The following CDH4 variants were observed in gnomAD, a reference collection of about 807,000 sequenced individuals.
CDH4 encodes the protein cadherin 4.
In CDH4, 33 loss-of-function variants were observed where a neutral mutation model predicts 86.0. That is an observed-to-expected ratio of 0.38 (90% CI 0.29 to 0.51). CDH4 has a LOEUF of 0.51. Ranked by LOEUF, CDH4 falls within the 20% of genes least tolerant of loss-of-function variation. The probability of loss-of-function intolerance (pLI) is 0.86; values close to 1 mark genes in which losing one functional copy is unlikely to be tolerated. For missense variants in CDH4, 1,114 were observed against 1,307.4 expected, an observed-to-expected ratio of 0.85 and a Z score of 2.28; for synonymous variants, 555 against 549.4, an observed-to-expected ratio of 1.01 and a Z score of -0.14.
intron 2 of CDH4, among the ~76,000 whole-genome samples, chr20:61,617,261 G>A (rs2086732682): frequency 6.6e-6 from 1 of 152,154 alleles, no homozygotes; most frequent in Admixed American, 6.5e-5. Flanking sequence ...CTAAGCCCCA[G>A]GAGGGCAGGG....
intron 2 of CDH4, among the ~76,000 whole-genome samples, chr20:61,472,123 G>T (rs1471914967): frequency 2.0e-5 from 3 of 152,158 alleles, no homozygotes; most frequent in Non-Finnish European, 4.4e-5. Flanking sequence ...AGCTATTATT[G>T]TATTGAGGTC....
chr20:61,687,792 T>A (rs2087602474), intron 2 of CDH4, among the ~76,000 whole-genome samples: 1 of 152,124 alleles, frequency 6.6e-6, no homozygotes. Context: ...AGAAATGTGG[T>A]CCGCGGACTA....
intron 2 of CDH4, among the ~76,000 whole-genome samples, chr20:61,577,067 T>G (rs2086387470): frequency 6.6e-6 from 1 of 152,262 alleles, no homozygotes; most frequent in South Asian, 2.1e-4. Flanking sequence ...AAAGGATGCA[T>G]GGATGTTTTG....
intron 2 of CDH4, among the ~76,000 whole-genome samples, chr20:61,715,070 C>G (rs1465570590): frequency 1.3e-5 from 2 of 152,186 alleles, no homozygotes; most frequent in African/African-American, 4.8e-5. Flanking sequence ...ACGCCAACAT[C>G]TATTGTTTTT....
intron 9 of CDH4, among the ~76,000 whole-genome samples, chr20:61,921,478 G>A (rs961824488): frequency 6.6e-6 from 1 of 152,282 alleles, no homozygotes; most frequent in Admixed American, 6.5e-5. Flanking sequence ...TGGGCAGGGT[G>A]CAGTGGCCCA....
intron 4 of CDH4, among the ~76,000 whole-genome samples, chr20:61,838,978 G>A (rs909561357): frequency 6.6e-6 from 1 of 152,212 alleles, no homozygotes; most frequent in Non-Finnish European, 1.5e-5. Context: ...ACCATCCAGA[G>A]CTTTTACTCC....
chr20:61,773,300 C>A, intron 4 of CDH4, 118 bp downstream of exon 4: 2 of 1,004,374 alleles, frequency 2.0e-6, no homozygotes, highest in Non-Finnish European at 2.8e-6. Flanking sequence ...GTCGCGATTT[C>A]ACCCTTTCTG....
At chr20:61,873,652 G>T (rs990572602) in intron 6 of CDH4, 76 bp from the exon 7 acceptor site, 2 of 1,484,884 alleles carry the variant, frequency 1.3e-6, no homozygotes, top group Non-Finnish European at 1.8e-6. Flanking sequence ...TGGTCGGGGG[G>T]CTCTGCCCAG....
intron 4 of CDH4, among the ~76,000 whole-genome samples, chr20:61,777,234 C>T (rs982904440): frequency 1.3e-5 from 2 of 152,154 alleles, no homozygotes; most frequent in African/African-American, 4.8e-5. Context: ...GCAGTGGGCA[C>T]TCTATTTGTT....
intron 2 of CDH4, among the ~76,000 whole-genome samples, chr20:61,383,191 G>GAATATATATA: frequency 1.4e-5 from 1 of 69,322 alleles, no homozygotes; most frequent in African/African-American, 7.6e-5. Context: ...GAATATATAT[G>GAATATATATA]AATATATTTA....
intron 2 of CDH4, among the ~76,000 whole-genome samples, chr20:61,558,154 T>C (rs2086191058): frequency 1.3e-5 from 2 of 152,198 alleles, no homozygotes; most frequent in Non-Finnish European, 2.9e-5. Flanking sequence ...TGGGTAATAA[T>C]GAAGGGGTAT....
chr20:61,466,133 T>A (rs2085470400), intron 2 of CDH4, among the ~76,000 whole-genome samples: 1 of 152,228 alleles, frequency 6.6e-6, no homozygotes, highest in Non-Finnish European at 1.5e-5. Flanking sequence ...TCACTGTGGC[T>A]GCCCTTGTAC....
intron 4 of CDH4, among the ~76,000 whole-genome samples, chr20:61,804,888 C>T (rs1333560813): frequency 6.6e-6 from 1 of 152,206 alleles, no homozygotes; most frequent in South Asian, 2.1e-4. Flanking sequence ...GGCACATAAA[C>T]GGAACATACA....
At position 61,754,161 on chromosome 20, in the gene CDH4, G is replaced by A. The variant is rs914498623; in HGVS notation, c.396+10372G>A. On this transcript the variant is annotated intron_variant, in intron 3 of 15. Transcript: ENST00000614565. This position sits in a 1 kb window ranked among gnomAD's most constrained non-coding sequence, Gnocchi z 4.7. ...CTCCTGCACAGCCTCCCAGGGACCA[G>A]TGCTGCAACATCTTGATTTTGGACT... 9.9e-5 allele frequency among the ~76,000 whole-genome samples: 15 copies of A among 152,170 alleles called. No individual in the cohort carries two copies. Among genetic ancestry groups the A allele is most frequent in the African/African-American group, 3.6e-4 (15 of 41,440 alleles).
At chr20:61,903,759 C>G (rs1005782955) in intron 8 of CDH4, among the ~76,000 whole-genome samples, 1 of 152,144 alleles carries the variant, frequency 6.6e-6, no homozygotes, top group African/African-American at 2.4e-5. Context: ...TTCCCCACCG[C>G]TGGTGACCTC....
intron 2 of CDH4, among the ~76,000 whole-genome samples, chr20:61,537,771 G>A (rs1165453514): frequency 6.6e-6 from 1 of 152,218 alleles, no homozygotes; most frequent in Non-Finnish European, 1.5e-5. Context: ...TCAAAGGAGA[G>A]CTTGAAAAGC....
intron 2 of CDH4, among the ~76,000 whole-genome samples, chr20:61,619,888 C>T (rs1005751652): frequency 6.6e-6 from 1 of 152,234 alleles, no homozygotes; most frequent in African/African-American, 2.4e-5. Context: ...AGCGCTGGGG[C>T]CTGACGGCCG....
chr20:61,739,664 C>T (rs1330153411), intron 2 of CDH4, among the ~76,000 whole-genome samples: 1 of 152,196 alleles, frequency 6.6e-6, no homozygotes, highest in East Asian at 1.9e-4. Flanking sequence ...AGATTCCTGC[C>T]TAGAGGAGGG....
intron 2 of CDH4, among the ~76,000 whole-genome samples, chr20:61,723,638 G>C (rs1416200300): frequency 1.3e-5 from 2 of 152,234 alleles, no homozygotes; most frequent in Non-Finnish European, 2.9e-5. Context: ...CCTGGGACAA[G>C]AGGGCTGACA....
Sources: allele counts gnomAD v4.1 joint callset (sites outside exome capture counted in the v4.1 genomes callset), GRCh38; gene constraint gnomAD v4.1.1; non-coding constraint Gnocchi (gnomAD v3.1); transcripts MANE v1.5; gene names NCBI Gene and HGNC (gene_info 2026-07-23, HGNC 2026-07-21).